PAPLN: variants seen among roughly 807,000 people sequenced by gnomAD.
PAPLN encodes the protein papilin.
PAPLN carries 146 observed loss-of-function variants against 159.0 expected under a neutral mutation model. That is an observed-to-expected ratio of 0.92 (90% confidence interval 0.80 to 1.05). The LOEUF (loss-of-function observed/expected upper bound fraction) is 1.05, where lower values mean the gene tolerates loss of function less well. PAPLN is among the 50% of genes least tolerant of loss of function. The probability of loss-of-function intolerance (pLI) is 0.00; values close to 1 mark genes in which losing one functional copy is unlikely to be tolerated. For missense variants in PAPLN, 1,720 were observed against 1,743.9 expected (o/e 0.99, Z 0.24); for synonymous variants, 734 against 702.9 (o/e 1.04, Z -0.70).
intron 5 of PAPLN, among the ~76,000 whole-genome samples, chr14:73,246,598 C>G (rs192548621): frequency 1.3e-5 from 2 of 148,492 alleles, no homozygotes; most frequent in East Asian, 3.9e-4. Flanking sequence ...TCTTTTTTCT[C>G]TCTTCCTTTC....
At chr14:73,236,489 A>G (rs781489431), upstream of PAPLN, among the ~76,000 whole-genome samples, 5 of 152,144 alleles carry the variant, frequency 3.3e-5, no homozygotes, top group Non-Finnish European at 7.3e-5. Context: ...GGAGTTCGAG[A>G]CCAGGTTGGG....
In PAPLN at chr14:73,245,743, T is replaced by C; in HGVS notation, c.231+47T>C. On this transcript the variant is annotated intron_variant, in intron 4 of 26. Coordinates refer to ENST00000644200, the MANE Select transcript of PAPLN (RefSeq NM_001365906.3). The surrounding 1 kb of genome is among the most constrained non-coding windows in gnomAD (Gnocchi z 4.2). ...CGAAGGCACCAGCTTCCCCAGCCCCTCCTGGCCGATTTCCCCATTGGGATG... is the reference window on the plus strand; with the variant it reads ...CGAAGGCACCAGCTTCCCCAGCCCCCCCTGGCCGATTTCCCCATTGGGATG... 1 of 1,532,204 alleles carries C rather than the reference T, an allele frequency of 6.5e-7. No homozygotes were observed. The highest frequency in any genetic ancestry group is 1.2e-5 in the South Asian group (1 of 83,672). The allele number at this position is 1,532,204 out of a possible 1,614,324, so 94.9% of individuals were successfully genotyped here.
chr14:73,258,627 A>AG (rs1566693921), intron 14 of PAPLN, among the ~76,000 whole-genome samples: 1 of 149,432 alleles, frequency 6.7e-6, no homozygotes, highest in East Asian at 1.9e-4. Flanking sequence ...CTAAAAAAAA[A>AG]AAAAAAAAAA....
chr14:73,264,689 G>A lies in PAPLN; in HGVS notation c.3088G>A (p.Gly1030Arg). Reference protein sequence around the residue: ...FGQAGAAGPLGAIPSSHPQPA... With the variant: ...FGQAGAAGPLRAIPSSHPQPA... ...CCAAGCGGGGGCTGCTGGGCCCCTGGGGGCCATCCCCTCTTCACACCCACA... is the reference window on the plus strand; with the variant it reads ...CCAAGCGGGGGCTGCTGGGCCCCTGAGGGCCATCCCCTCTTCACACCCACA... The change falls in exon 22 of 27, where the codon GGG (glycine) becomes AGG (arginine). Residue 1030 changes from glycine (G) to arginine (R), a missense_variant. Transcript: ENST00000644200. 6.2e-7 allele frequency: 1 copy of A among 1,612,170 alleles called. No homozygotes were observed. The highest frequency in any genetic ancestry group is 8.5e-7 in the Non-Finnish European group (1 of 1,179,580).
Position 73,264,226 on chromosome 14 carries a change from C to A in PAPLN, c.2877C>A (p.Phe959Leu), listed in dbSNP as rs369723468. 3 of 1,613,846 alleles carry A rather than the reference C, an allele frequency of 1.9e-6. No individual in the cohort carries two copies. The highest frequency in any genetic ancestry group is 2.2e-5 in the East Asian group (1 of 44,866). ...CCCCACTCAGGCACAGGCTGCAGTT[C>A]GACGGATCCCTGATCATCCACCCCC... ...PISSDRHRLQ[F>L]DGSLIIHPLQ... is the part of the protein sequence containing the mutation. Residue 959 changes from phenylalanine (F) to leucine (L), a missense_variant, in exon 21 of 27, where the codon TTC becomes TTA. Coordinates refer to ENST00000644200, the MANE Select transcript of PAPLN (RefSeq NM_001365906.3).
Position 73,259,258 on chromosome 14 carries a change from C to T in PAPLN, c.1709-11C>T, listed in dbSNP as rs1296091197. The T allele has an allele frequency of 2.6e-6, 4 of 1,540,372 alleles. No homozygotes were observed. Among genetic ancestry groups the T allele is most frequent in the Admixed American group, 2.0e-5 (1 of 50,094 alleles). ...TGGACGCACTGTGTGTCTTTTGCTT[C>T]TTCTTTCTAGACTCCAGAGGCCAGT... On this transcript the variant is annotated splice_polypyrimidine_tract_variant and intron_variant, in intron 15 of 26. Coordinates refer to ENST00000644200, the MANE Select transcript of PAPLN (RefSeq NM_001365906.3).
chr14:73,246,064 G>C lies in PAPLN; in HGVS notation c.232-9G>C. ...CCTCCTGGATCCCGACTTCCCCTCCGCCCCGCAGAGCTGCCCCGACGGCGC... is the reference window on the plus strand; with the variant it reads ...CCTCCTGGATCCCGACTTCCCCTCCCCCCCGCAGAGCTGCCCCGACGGCGC... On this transcript the variant is annotated splice_polypyrimidine_tract_variant and intron_variant, in intron 4 of 26. Coordinates refer to ENST00000644200, the MANE Select transcript of PAPLN (RefSeq NM_001365906.3). 6.5e-7 allele frequency: 1 copy of C among 1,529,694 alleles called. No individual in the cohort carries two copies. The highest frequency in any genetic ancestry group is 8.8e-7 in the Non-Finnish European group (1 of 1,142,534). 94.8% of individuals were successfully genotyped at this position (1,529,694 alleles called of 1,614,324 possible). A position where few individuals can be genotyped will look rare whatever the true frequency, so the allele number is the denominator to read the frequency against.
In PAPLN at chr14:73,260,775, G is replaced by A. The variant is rs11850245; in HGVS notation, c.2052G>A (p.Ser684=). 1.1e-3 allele frequency: 1,667 copies of A among 1,490,044 alleles called. 15 individuals carry two copies. The African/African-American group carries it at 0.022, about 19-fold the overall frequency. 92.3% of individuals were successfully genotyped at this position (1,490,044 alleles called of 1,614,324 possible). ...EGPHHAGCTK[S]YGGDSTGGMP... ...CCCATCACGCTGGCTGCACAAAGTC[G>A]TATGGTGGTGACAGCACCGGGGGCA... The change falls in exon 17 of 27, where the codon TCG becomes TCA. Residue 684 remains serine (S), a synonymous_variant. Coordinates refer to ENST00000644200, the MANE Select transcript of PAPLN (RefSeq NM_001365906.3).
At chr14:73,254,461 C>A in intron 12 of PAPLN, 52 bp from the exon 13 acceptor site, 3 of 1,594,752 alleles carry the variant, frequency 1.9e-6, no homozygotes, top group Admixed American at 1.7e-5. Flanking sequence ...TCCGAACTGG[C>A]GTGGCTCCTG....
At chr14:73,269,761 C>T (rs1887536584) in intron 26 of PAPLN, among the ~76,000 whole-genome samples, 1 of 152,172 alleles carries the variant, frequency 6.6e-6, no homozygotes, top group African/African-American at 2.4e-5. Context: ...GGGGAGTATG[C>T]CAGGCTCGGA....
chr14:73,252,066 C>T lies in PAPLN; in HGVS notation c.892C>T (p.Pro298Ser). Residue 298 changes from proline (P) to serine (S), a missense_variant, in exon 10 of 27, where the codon CCC (proline) becomes TCC (serine). Transcript: ENST00000644200. The part of the protein sequence containing the change: ...NPGVHYEYHL[P>S]LRRPSPGFSW... The stretch of plus-strand genomic sequence containing the variant: ...CGGTGTGCACTATGAGTACCACCTG[C>T]CCCTGCGCCGCCCCAGCCCCGGCTT... 6.2e-7 allele frequency: 1 copy of T among 1,612,156 alleles called. No homozygotes were observed. Among genetic ancestry groups the T allele is most frequent in the South Asian group, 1.1e-5 (1 of 90,748 alleles).
chr14:73,262,832 G>A lies in PAPLN; in HGVS notation c.2723+5G>A. On this transcript the variant is annotated splice_donor_5th_base_variant and intron_variant, in intron 19 of 26. Transcript: ENST00000644200. ...CTTCCACAGCTCCTCCTACAGGTGA[G>A]GCCCACCTTCCCCAGGTGAGGGGGT... 1 of 1,461,708 alleles carries A rather than the reference G, an allele frequency of 6.8e-7. No individual in the cohort carries two copies. Among genetic ancestry groups the A allele is most frequent in the East Asian group, 2.5e-5 (1 of 40,718 alleles). The allele number at this position is 1,461,708 out of a possible 1,614,324, so 90.5% of individuals were successfully genotyped here.
chr14:73,250,798 AC>A, intron 6 of PAPLN, 108 bp from the exon 7 acceptor site: 1 of 1,353,324 alleles, frequency 7.4e-7, no homozygotes, highest in Non-Finnish European at 9.7e-7. Flanking sequence ...ACTCCCGACC[AC>A]CCTATCCTGC....
chr14:73,264,891 C>T lies in PAPLN; in HGVS notation c.3125+165C>T, dbSNP rs563644136. Among the ~76,000 whole-genome samples the T allele has an allele frequency of 1.4e-4, 22 of 152,360 alleles. No individual in the cohort carries two copies. The South Asian group carries it at 4.4e-3, about 30-fold the overall frequency. On this transcript the variant is annotated intron_variant, in intron 22 of 26. Transcript: ENST00000644200. Reference sequence around the variant, plus strand: ...AAACAGGGCTCCCAGAGCTGGGCCTCTTGAGGAAGAAGCTTCTGGGAACGG... The same window carrying T: ...AAACAGGGCTCCCAGAGCTGGGCCTTTTGAGGAAGAAGCTTCTGGGAACGG...
At chr14:73,241,774 G>A (rs1883569575) in intron 2 of PAPLN, among the ~76,000 whole-genome samples, 1 of 152,286 alleles carries the variant, frequency 6.6e-6, no homozygotes, top group South Asian at 2.1e-4. Flanking sequence ...AACAGAATGA[G>A]TAAATGAATA....
intron 14 of PAPLN, among the ~76,000 whole-genome samples, chr14:73,258,729 C>T (rs1886216844): frequency 6.6e-6 from 1 of 151,880 alleles, no homozygotes; most frequent in Non-Finnish European, 1.5e-5. Context: ...CCTACTGCAT[C>T]TCAGCCTGGG....
intron 1 of PAPLN, among the ~76,000 whole-genome samples, chr14:73,238,648 G>T (rs1883215999): frequency 1.3e-5 from 2 of 152,236 alleles, no homozygotes; most frequent in African/African-American, 2.4e-5. Context: ...CAGAGCAGAG[G>T]CAGGGCTCTG....
Position 73,272,672 on chromosome 14 carries a change from GGCTA to G in PAPLN, c.*10_*13del, listed in dbSNP as rs1340073713. On this transcript the variant is annotated 3_prime_UTR_variant, in exon 27 of 27. Transcript: ENST00000644200. ...CAGCCCATCTGGCAGTAGGGATGAAGGCTAGTTCCAGCCCCAGTCCAAAATAGTT... is the reference window on the plus strand; with the variant it reads ...CAGCCCATCTGGCAGTAGGGATGAAGGTTCCAGCCCCAGTCCAAAATAGTT... 2 of 1,558,340 alleles carry G rather than the reference GGCTA, an allele frequency of 1.3e-6. No homozygotes were observed. Among genetic ancestry groups the G allele is most frequent in the East Asian group, 4.6e-5 (2 of 43,594 alleles).
At chr14:73,251,356 C>T in intron 7 of PAPLN, 130 bp from the exon 8 acceptor site, 1 of 1,057,398 alleles carries the variant, frequency 9.5e-7, no homozygotes, top group South Asian at 1.5e-5. Flanking sequence ...TTCCCAGCAG[C>T]TCGGCCCTGT....
Sources: gnomAD v4.1 joint callset for allele counts (sites outside exome capture counted in the v4.1 genomes callset) on GRCh38, gnomAD v4.1.1 for gene constraint, Gnocchi (gnomAD v3.1) non-coding constraint, MANE v1.5 for transcripts, NCBI Gene and HGNC (gene_info 2026-07-23, HGNC 2026-07-21) for gene names.